Variants in DLGAP1 observed in about 807,000 individuals in gnomAD.
The protein encoded by DLGAP1 is DLG associated protein 1.
In DLGAP1, 11 loss-of-function variants were observed where a neutral mutation model predicts 90.8. The ratio of observed to expected loss-of-function variants is 0.12; its 90% confidence interval spans 0.08 to 0.20. The LOEUF is 0.20. DLGAP1 is among the 10% of genes least tolerant of loss of function. The probability of loss-of-function intolerance (pLI) is 1.00; values close to 1 mark genes in which losing one functional copy is unlikely to be tolerated. For synonymous variants in DLGAP1, 558 were observed against 540.7 expected, an observed-to-expected ratio of 1.03 and a Z score of -0.44; for missense variants, 1,050 against 1,333.8, an observed-to-expected ratio of 0.79 and a Z score of 3.31.
intron 7 of DLGAP1, among the ~76,000 whole-genome samples, chr18:3,683,856 T>TCCA (rs2060607119): frequency 6.6e-6 from 1 of 152,138 alleles, no homozygotes; most frequent in African/African-American, 2.4e-5. Flanking sequence ...GTATGTTTTT[T>TCCA]GGGAAATCAC....
Position 3,698,920 on chromosome 18 carries a change from C to T in DLGAP1, c.1591+30215G>A, listed in dbSNP as rs147169784. Among the ~76,000 whole-genome samples the T allele has an allele frequency of 2.5e-4, 38 of 151,994 alleles. 1 individual carries two copies. In the South Asian group the frequency reaches 5.6e-3, roughly 22 times the overall value. On this transcript the variant is annotated intron_variant, in intron 7 of 12. Coordinates refer to ENST00000315677, the MANE Select transcript of DLGAP1 (RefSeq NM_004746.4). ...CTTCAATCTCTGATATCCTTTCTTC[C>T]GCTTGATCGATTTGGCTATTGATAC...
chr18:3,601,735 C>T (rs527789025), intron 7 of DLGAP1, among the ~76,000 whole-genome samples: 1 of 151,930 alleles, frequency 6.6e-6, no homozygotes, highest in South Asian at 2.1e-4. Context: ...ATCCCAGCTA[C>T]TTGGGAGGCT....
At chr18:4,058,754 C>G (rs577423046) in intron 2 of DLGAP1, among the ~76,000 whole-genome samples, 1 of 152,200 alleles carries the variant, frequency 6.6e-6, no homozygotes, top group African/African-American at 2.4e-5. Context: ...TGTCCATGCC[C>G]TTTTCAATAT....
At chr18:4,257,364 C>T (rs1041443872) in intron 1 of DLGAP1, among the ~76,000 whole-genome samples, 1 of 152,072 alleles carries the variant, frequency 6.6e-6, no homozygotes, top group East Asian at 1.9e-4. Flanking sequence ...ACTGGTTACC[C>T]GGTTAAATCT....
intron 1 of DLGAP1, among the ~76,000 whole-genome samples, chr18:4,439,841 G>A (rs893490982): frequency 1.1e-4 from 16 of 151,950 alleles, no homozygotes; most frequent in East Asian, 1.9e-4. Flanking sequence ...AAAAATGGCC[G>A]GGCGCAGTGG....
At chr18:4,020,742 C>T (rs971568688) in intron 2 of DLGAP1, among the ~76,000 whole-genome samples, 10 of 152,164 alleles carry the variant, frequency 6.6e-5, no homozygotes, top group African/African-American at 1.2e-4. Flanking sequence ...CCCTTCTTAA[C>T]GGGGGACCAG....
intron 7 of DLGAP1, among the ~76,000 whole-genome samples, chr18:3,641,995 C>T (rs1024732508): frequency 5.9e-5 from 9 of 152,242 alleles, no homozygotes; most frequent in Non-Finnish European, 7.3e-5. Context: ...CTTCAGGGAT[C>T]TGTCTCCACT....
chr18:4,087,638 T>A (rs1280030734), intron 2 of DLGAP1, among the ~76,000 whole-genome samples: 10 of 152,212 alleles, frequency 6.6e-5, no homozygotes, highest in Admixed American at 5.2e-4. Context: ...TATTTCTGCA[T>A]GTGTGTCTTT....
intron 7 of DLGAP1, among the ~76,000 whole-genome samples, chr18:3,585,765 G>A (rs80016897): frequency 0.034 from 5,228 of 152,152 alleles, 89 homozygotes; most frequent in Middle Eastern, 0.068. Context: ...GCAAGATAAC[G>A]AGATCCCATC....
rs74515144 is a variant in DLGAP1 at position 4,278,747 on chromosome 18, TAC to T, written c.-266-127462_-266-127461del. 4.1e-4 allele frequency among the ~76,000 whole-genome samples: 61 copies of T among 150,104 alleles called. 1 individual carries two copies. The highest frequency in any genetic ancestry group is 3.7e-3 in the East Asian group (19 of 5,130). On this transcript the variant is annotated intron_variant, in intron 1 of 12. Coordinates refer to ENST00000315677, the MANE Select transcript of DLGAP1 (RefSeq NM_004746.4). ...TATATACATATATATGAAAATGTTA[TAC>T]ACACACACACACATATTTTATCTAA...
At chr18:3,813,212 A>G (rs879586896) in intron 5 of DLGAP1, among the ~76,000 whole-genome samples, 1 of 152,238 alleles carries the variant, frequency 6.6e-6, no homozygotes, top group Non-Finnish European at 1.5e-5. Context: ...CCATAAGATT[A>G]TAATACTGTG....
At chr18:4,423,049 C>T (rs1224769782) in intron 1 of DLGAP1, among the ~76,000 whole-genome samples, 1 of 152,252 alleles carries the variant, frequency 6.6e-6, no homozygotes, top group Middle Eastern at 3.4e-3. Context: ...ATATATACCT[C>T]ACAAAATAAT....
At chr18:3,518,785 T>C (rs1165451469) in intron 10 of DLGAP1, among the ~76,000 whole-genome samples, 1 of 152,204 alleles carries the variant, frequency 6.6e-6, no homozygotes, top group Non-Finnish European at 1.5e-5. Flanking sequence ...CTAACTCCTA[T>C]AACTGATCTA....
chr18:3,925,443 C>T (rs764614827), intron 3 of DLGAP1, among the ~76,000 whole-genome samples: 2 of 152,114 alleles, frequency 1.3e-5, no homozygotes, highest in Non-Finnish European at 2.9e-5. Flanking sequence ...TTTTAACCCT[C>T]CCCAGTCACC....
intron 3 of DLGAP1, among the ~76,000 whole-genome samples, chr18:3,928,769 GA>G (rs2072449955): frequency 6.6e-6 from 1 of 152,104 alleles, no homozygotes; most frequent in African/African-American, 2.4e-5. Context: ...CCACTATGCC[GA>G]ATTCATATGC....
chr18:4,085,188 CA>C (rs1273380900), intron 2 of DLGAP1, among the ~76,000 whole-genome samples: 1 of 152,106 alleles, frequency 6.6e-6, no homozygotes, highest in Non-Finnish European at 1.5e-5. Context: ...ATACTATTTG[CA>C]GAATCTAATT....
At chr18:4,234,621 C>T (rs951358099) in intron 1 of DLGAP1, among the ~76,000 whole-genome samples, 2 of 152,062 alleles carry the variant, frequency 1.3e-5, no homozygotes, top group East Asian at 1.9e-4. Flanking sequence ...TTTTGTTCTT[C>T]AAATTATAAA....
chr18:4,381,712 A>G (rs1202863543), intron 1 of DLGAP1, among the ~76,000 whole-genome samples: 1 of 152,100 alleles, frequency 6.6e-6, no homozygotes, highest in African/African-American at 2.4e-5. Flanking sequence ...CTAAAACATC[A>G]CCATGTTTAG....
intron 1 of DLGAP1, among the ~76,000 whole-genome samples, chr18:4,229,630 G>A (rs1167576538): frequency 1.3e-5 from 2 of 152,006 alleles, no homozygotes; most frequent in African/African-American, 4.8e-5. Flanking sequence ...ATATGAAGGA[G>A]AATGAGTCTA....
Sources: allele counts gnomAD v4.1 joint callset (sites outside exome capture counted in the v4.1 genomes callset), GRCh38; gene constraint gnomAD v4.1.1; transcripts MANE v1.5; gene names NCBI Gene and HGNC (gene_info 2026-07-23, HGNC 2026-07-21).